The following TANGO2 variants were observed in gnomAD, a reference collection of about 807,000 sequenced individuals.
TANGO2 encodes the protein transport and Golgi organization protein 2 homolog.
A neutral mutation model predicts 39.1 loss-of-function variants in TANGO2; 26 were observed. That is an observed-to-expected ratio of 0.67 (90% confidence interval 0.49 to 0.92). The LOEUF is 0.92. Ranked by LOEUF, TANGO2 falls within the 40% of genes least tolerant of loss-of-function variation. TANGO2 has a pLI of 0.00. For missense variants in TANGO2, 326 were observed against 360.1 expected, an observed-to-expected ratio of 0.91 and a Z score of 0.77; for synonymous variants, 131 against 144.5, an observed-to-expected ratio of 0.91 and a Z score of 0.67.
At chr22:20,053,339 A>G (rs774514111) in intron 4 of TANGO2, 98 bp from the exon 5 acceptor site, 4 of 766,084 alleles carry the variant, frequency 5.2e-6, no homozygotes, top group Middle Eastern at 2.3e-4. Context: ...GGGACCCCTC[A>G]TCTTCCTGCA....
intron 6 of TANGO2, chr22:20,056,962 G>A (rs569848251): frequency 1.8e-4 from 80 of 456,168 alleles, no homozygotes; most frequent in Non-Finnish European, 3.1e-4. Context: ...TGCCCTTAGC[G>A]CCACCCACAC....
intron 3 of TANGO2, among the ~76,000 whole-genome samples, chr22:20,047,232 G>GTT (rs113268323): frequency 6.0e-5 from 8 of 132,314 alleles, no homozygotes; most frequent in African/African-American, 1.4e-4. Context: ...TGGTTTGTTT[G>GTT]TTTTTTTTTT....
chr22:20,036,993 A>G (rs1300178608), intron 2 of TANGO2, 139 bp downstream of exon 2: 22 of 1,600,796 alleles, frequency 1.4e-5, no homozygotes, highest in South Asian at 3.3e-5. Context: ...GCCCTCCAGG[A>G]CAGGGTCACT....
intron 5 of TANGO2, 124 bp from the exon 6 acceptor site, chr22:20,055,819 C>A: frequency 1.2e-6 from 1 of 841,100 alleles, no homozygotes; most frequent in Non-Finnish European, 1.9e-6. Context: ...AAGCTCCTGA[C>A]CTGGCCGCAG....
upstream of TANGO2, among the ~76,000 whole-genome samples, chr22:20,018,778 G>C (rs1426303938): frequency 6.6e-6 from 1 of 152,172 alleles, no homozygotes; most frequent in Non-Finnish European, 1.5e-5. Flanking sequence ...GCAGCCAGGG[G>C]TCAGAAACAC....
chr22:20,044,539 A>G (rs1325468949), intron 3 of TANGO2, among the ~76,000 whole-genome samples: 3 of 152,054 alleles, frequency 2.0e-5, no homozygotes, highest in African/African-American at 2.4e-5. Context: ...CAATCAGTCA[A>G]TCAATCAATC....
chr22:20,036,451 C>T (rs1395937793), intron 1 of TANGO2, among the ~76,000 whole-genome samples: 2 of 152,320 alleles, frequency 1.3e-5, no homozygotes, highest in East Asian at 1.9e-4. Context: ...TGCTGCCCCC[C>T]GGGGACCCCC....
intron 1 of TANGO2, among the ~76,000 whole-genome samples, chr22:20,029,507 A>G (rs1020972059): frequency 2.0e-5 from 3 of 152,202 alleles, no homozygotes; most frequent in Non-Finnish European, 4.4e-5. Context: ...CCGCACTGGT[A>G]TTCTTAGAGG....
At chr22:20,055,008 G>C (rs939875937) in intron 5 of TANGO2, 1 of 152,236 alleles carries the variant, frequency 6.6e-6, no homozygotes, top group African/African-American at 2.4e-5. Flanking sequence ...CATAGACGGG[G>C]GGGCCCTTGA....
upstream of TANGO2, among the ~76,000 whole-genome samples, chr22:20,017,396 G>C (rs1945265505): frequency 6.6e-6 from 1 of 152,104 alleles, no homozygotes; most frequent in South Asian, 2.1e-4. Context: ...TCATCCTCAC[G>C]CCCCTGGGTC....
chr22:20,063,543 T>C (rs1424723710), intron 8 of TANGO2, 101 bp downstream of exon 8: 3 of 1,061,358 alleles, frequency 2.8e-6, no homozygotes, highest in Admixed American at 2.3e-5. Flanking sequence ...GAGCCAGGCT[T>C]CTTCCTCGCC....
At chr22:20,048,166 C>G (rs556185118) in intron 3 of TANGO2, 1 of 152,232 alleles carries the variant, frequency 6.6e-6, no homozygotes, top group Admixed American at 6.5e-5. Flanking sequence ...CTCAGGTGAT[C>G]CGCCTGCCTC....
chr22:20,046,654 T>C (rs1408068823), intron 3 of TANGO2, among the ~76,000 whole-genome samples: 1 of 152,004 alleles, frequency 6.6e-6, no homozygotes, highest in Admixed American at 6.6e-5. Context: ...TGTATTTTTT[T>C]ATTATTATTC....
Position 20,064,714 on chromosome 22 carries a change from G to A in TANGO2, c.*52G>A. 1.2e-6 allele frequency: 2 copies of A among 1,605,012 alleles called. No homozygotes were observed. Among genetic ancestry groups the A allele is most frequent in the Non-Finnish European group, 1.7e-6 (2 of 1,175,654 alleles). On this transcript the variant is annotated 3_prime_UTR_variant, in exon 9 of 9. Transcript: ENST00000327374. ...CTCCTGGGGGGCCCTGCCTTGAGGGGCACTGTGGACAGGAAACCTTCCTTT... is the reference window on the plus strand; with the variant it reads ...CTCCTGGGGGGCCCTGCCTTGAGGGACACTGTGGACAGGAAACCTTCCTTT...
At position 20,066,448 on chromosome 22, in the gene TANGO2, T is replaced by TG. The variant is rs1475171324; in HGVS notation, c.*1788dup. The TG allele has an allele frequency of 2.0e-5, 3 of 152,328 alleles. No individual in the cohort carries two copies. The highest frequency in any genetic ancestry group is 4.4e-5 in the Non-Finnish European group (3 of 68,168). 9.4% of individuals were successfully genotyped at this position (152,328 alleles called of 1,614,324 possible). Reference sequence around the variant, plus strand: ...GACCCATGAGAGTGCAGGGTGGGTGTGGACCTGCGCCAGGGCTTCCCAGCC... The same window carrying TG: ...GACCCATGAGAGTGCAGGGTGGGTGTGGGACCTGCGCCAGGGCTTCCCAGCC... On this transcript the variant is annotated 3_prime_UTR_variant, in exon 9 of 9. Transcript: ENST00000327374.
Position 20,021,144 on chromosome 22 carries a change from CGGCTCCGGGGCTG to C in TANGO2, c.-140_-128del, listed in dbSNP as rs2039573614. The C allele has an allele frequency of 6.5e-6, 1 of 153,758 alleles. No homozygotes were observed. Among genetic ancestry groups the C allele is most frequent in the Admixed American group, 6.5e-5 (1 of 15,278 alleles). The allele number at this position is 153,758 out of a possible 1,614,324, so 9.5% of individuals were successfully genotyped here. A position where few individuals can be genotyped will look rare whatever the true frequency, so the allele number is the denominator to read the frequency against. On this transcript the variant is annotated 5_prime_UTR_variant, in exon 1 of 9. Transcript: ENST00000327374. ...GGCGGTGGCGGAGGCGGTGAGTGCGCGGCTCCGGGGCTGGCCGACTCCGCTAGTGGCCCGGCCG... is the reference window on the plus strand; with the variant it reads ...GGCGGTGGCGGAGGCGGTGAGTGCGCGCCGACTCCGCTAGTGGCCCGGCCG...
At chr22:20,026,132 G>C (rs1286335233) in intron 1 of TANGO2, among the ~76,000 whole-genome samples, 5 of 152,232 alleles carry the variant, frequency 3.3e-5, no homozygotes. Flanking sequence ...GGGCGGGGTG[G>C]CTCACGCCTA....
At chr22:20,054,115 C>T in intron 5 of TANGO2, 1 of 267,128 alleles carries the variant, frequency 3.7e-6, no homozygotes. Context: ...CTGAAGCTGC[C>T]TCCTTCCACA....
chr22:20,031,317 C>T (rs577603921), intron 1 of TANGO2, among the ~76,000 whole-genome samples: 2 of 152,308 alleles, frequency 1.3e-5, no homozygotes, highest in South Asian at 2.1e-4. Context: ...TATGATCACA[C>T]GACTGCACCT....
Sources: allele counts gnomAD v4.1 joint callset (sites outside exome capture counted in the v4.1 genomes callset), GRCh38; gene constraint gnomAD v4.1.1; transcripts MANE v1.5; gene names NCBI Gene and HGNC (gene_info 2026-07-23, HGNC 2026-07-21).